The following ERG28 variants were observed in gnomAD, a reference collection of about 807,000 sequenced individuals.
ERG28 encodes the protein ergosterol biosynthesis 28 homolog, also known as ergosterol biosynthetic protein 28 homolog.
Under a neutral mutation model 15.7 loss-of-function variants are expected in ERG28, and 9 were observed. The ratio of observed to expected loss-of-function variants is 0.57; its 90% CI spans 0.35 to 1.00. The LOEUF (loss-of-function observed/expected upper bound fraction) is 1.00, where lower values mean the gene tolerates loss of function less well. Among genes scored for constraint, ERG28 ranks in the 50% least tolerant of loss-of-function variants. The pLI is 0.02. For synonymous variants in ERG28, 61 were observed against 68.4 expected (o/e 0.89, Z 0.53); for missense variants, 117 against 173.3 (o/e 0.68, Z 1.82).
At chr14:75,659,142 G>A (rs563571227) in intron 1 of ERG28, among the ~76,000 whole-genome samples, 1 of 152,278 alleles carries the variant, frequency 6.6e-6, no homozygotes, top group South Asian at 2.1e-4. Context: ...GGAACAGAGA[G>A]GTTAAACAAG....
At chr14:75,657,871 C>T (rs953928369) in intron 1 of ERG28, among the ~76,000 whole-genome samples, 5 of 152,284 alleles carry the variant, frequency 3.3e-5, no homozygotes, top group Non-Finnish European at 5.9e-5. Context: ...CTATTGATGA[C>T]GGATTCTTCC....
chr14:75,657,287 A>T, intron 2 of ERG28, 83 bp downstream of exon 2: 3 of 1,502,816 alleles, frequency 2.0e-6, no homozygotes, highest in Non-Finnish European at 2.7e-6. Flanking sequence ...GGTTACTCTG[A>T]TGTACAGCCT....
intron 3 of ERG28, among the ~76,000 whole-genome samples, chr14:75,652,742 T>A (rs1890543266): frequency 6.6e-6 from 1 of 152,124 alleles, no homozygotes; most frequent in South Asian, 2.1e-4. Context: ...CTGCTCTAAG[T>A]CTGTTCTCCC....
chr14:75,657,694 C>T (rs1418576320), intron 1 of ERG28, among the ~76,000 whole-genome samples, 161 bp from the exon 2 acceptor site: 1 of 152,198 alleles, frequency 6.6e-6, no homozygotes, highest in Non-Finnish European at 1.5e-5. Flanking sequence ...AGTACTTATC[C>T]TTGTCTAAGC....
chr14:75,656,698 T>A (rs1184745801), intron 2 of ERG28, among the ~76,000 whole-genome samples: 2 of 152,122 alleles, frequency 1.3e-5, no homozygotes, highest in African/African-American at 4.8e-5. Flanking sequence ...CACATCAGCG[T>A]GATGAAGTGG....
intron 4 of ERG28, 52 bp from the exon 5 acceptor site, chr14:75,651,686 C>G: frequency 6.3e-7 from 1 of 1,578,932 alleles, no homozygotes; most frequent in Non-Finnish European, 8.7e-7. Flanking sequence ...TACCTTTCTT[C>G]TCTCTCTCTC....
At position 75,651,329 on chromosome 14, in the gene ERG28, G is replaced by T. The variant is rs1328601060; in HGVS notation, c.*226C>A. 1 of 364,344 alleles carries T rather than the reference G, an allele frequency of 2.7e-6. No individual in the cohort carries two copies. The allele number at this position is 364,344 out of a possible 1,614,324, so 22.6% of individuals were successfully genotyped here. The stretch of plus-strand genomic sequence containing the variant: ...GAGAAGCTGGCAATTTCTTGACTTG[G>T]ATGGAGTTACGTAGTATTCACTTTA... On this transcript the variant is annotated 3_prime_UTR_variant, in exon 5 of 5. Coordinates refer to ENST00000256319, the MANE Select transcript of ERG28 (RefSeq NM_007176.4).
chr14:75,651,665 C>T, intron 4 of ERG28, 31 bp from the exon 5 acceptor site: 3 of 1,603,176 alleles, frequency 1.9e-6, no homozygotes, highest in Non-Finnish European at 2.6e-6. Context: ...TAGTGACTAA[C>T]ATACATACGG....
At chr14:75,655,755 C>G (rs1206795960) in intron 2 of ERG28, among the ~76,000 whole-genome samples, 1 of 152,110 alleles carries the variant, frequency 6.6e-6, no homozygotes, top group Non-Finnish European at 1.5e-5. Flanking sequence ...GAGGAGGGCC[C>G]CAGGCATAAG....
In ERG28 at chr14:75,654,797, T is replaced by C. The variant is rs1890575996; in HGVS notation, c.224+89A>G. 2.3e-6 allele frequency: 3 copies of C among 1,329,044 alleles called. No homozygotes were observed. The South Asian group carries it at 3.5e-5, about 16-fold the overall frequency. 82.3% of individuals were successfully genotyped at this position (1,329,044 alleles called of 1,614,324 possible). A position where few individuals can be genotyped will look rare whatever the true frequency, so the allele number is the denominator to read the frequency against. On this transcript the variant is annotated intron_variant, in intron 3 of 4. Transcript: ENST00000256319. ...ATTCTAAGCTAATGCATTAAAATGA[T>C]TAACAGTTCCCATTACTCAAGGTAA...
intron 1 of ERG28, among the ~76,000 whole-genome samples, chr14:75,660,184 A>C (rs1007177617): frequency 6.6e-6 from 1 of 152,220 alleles, no homozygotes; most frequent in African/African-American, 2.4e-5. Flanking sequence ...ATCCCAACAG[A>C]TAGCTGATGA....
At position 75,657,423 on chromosome 14, in the gene ERG28, A is replaced by T. The variant is rs746593758; in HGVS notation, c.80T>A (p.Phe27Tyr). Residue 27 changes from phenylalanine (F) to tyrosine (Y), a missense_variant, in exon 2 of 5, where the codon TTC becomes TAC. Phe to Tyr is a conservative substitution (Grantham distance 22, BLOSUM62 3). Coordinates refer to ENST00000256319, the MANE Select transcript of ERG28 (RefSeq NM_007176.4). ...TTCATAGAGAAAAGTGTGGTCTCGG[A>T]AGCTCTGCAGCGTGTTCCCCATGGC... ...IIAMGNTLQS[F>Y]RDHTFLYEKL... 6.2e-7 allele frequency: 1 copy of T among 1,613,994 alleles called. No homozygotes were observed. The highest frequency in any genetic ancestry group is 8.5e-7 in the Non-Finnish European group (1 of 1,179,954).
Position 75,651,885 on chromosome 14 carries a change from A to G in ERG28, c.229T>C (p.Tyr77His). 6.2e-7 allele frequency: 1 copy of G among 1,602,978 alleles called. No homozygotes were observed. Among genetic ancestry groups the G allele is most frequent in the South Asian group, 1.1e-5 (1 of 90,848 alleles). ...AGGAAGGTCCAGAGTGTGATGTGAT[A>G]GAGCCTATAAGGAAGCAGACAGAAA... The part of the protein sequence containing the change: ...CAIDIHNKTL[Y>H]HITLWTFLLA... The change falls in exon 4 of 5, where the codon TAT (tyrosine) becomes CAT (histidine). Residue 77 changes from tyrosine to histidine, a missense_variant. Transcript: ENST00000256319.
In ERG28 at chr14:75,651,429, AAAG is replaced by A; in HGVS notation, c.*123_*125del. 1.1e-6 allele frequency: 1 copy of A among 916,708 alleles called. No homozygotes were observed. The highest frequency in any genetic ancestry group is 2.4e-5 in the East Asian group (1 of 40,930). 56.8% of individuals were successfully genotyped at this position (916,708 alleles called of 1,614,324 possible). On this transcript the variant is annotated 3_prime_UTR_variant, in exon 5 of 5. Transcript: ENST00000256319. Reference sequence around the variant, plus strand: ...TATCTTTAAATTTTAAAAATTAAAAAAAGAGGCTAAAAGTGAATAAAAGGGCAG... The same window carrying A: ...TATCTTTAAATTTTAAAAATTAAAAAAGGCTAAAAGTGAATAAAAGGGCAG...
intron 1 of ERG28, 54 bp from the exon 2 acceptor site, chr14:75,657,587 A>G: frequency 1.3e-6 from 2 of 1,518,472 alleles, no homozygotes; most frequent in South Asian, 1.2e-5. Context: ...TATGTTAACC[A>G]TAAGCAGGAA....
chr14:75,651,850 C>G lies in ERG28; in HGVS notation c.264G>C (p.Leu88=), dbSNP rs766986300. 1 of 1,613,972 alleles carries G rather than the reference C, an allele frequency of 6.2e-7. No individual in the cohort carries two copies. The highest frequency in any genetic ancestry group is 8.5e-7 in the Non-Finnish European group (1 of 1,179,884). Residue 88 remains leucine, a synonymous_variant, in exon 4 of 5, where the codon CTG becomes CTC. Coordinates refer to ENST00000256319, the MANE Select transcript of ERG28 (RefSeq NM_007176.4). ...HITLWTFLLA[L]GHFLSELFVY... is the part of the protein sequence containing the mutation. Reference sequence around the variant, plus strand: ...CAAACAACTCAGAGAGGAAATGCCCCAGGGCAAGGAGGAAGGTCCAGAGTG... The same window carrying G: ...CAAACAACTCAGAGAGGAAATGCCCGAGGGCAAGGAGGAAGGTCCAGAGTG...
intron 1 of ERG28, 24 bp from the exon 2 acceptor site, chr14:75,657,557 T>C: frequency 6.2e-7 from 1 of 1,602,842 alleles, no homozygotes. Context: ...GCAGAGGACA[T>C]GAGACAATGA....
chr14:75,657,021 T>A (rs1236162914), intron 2 of ERG28, among the ~76,000 whole-genome samples: 2 of 109,424 alleles, frequency 1.8e-5, no homozygotes, highest in Non-Finnish European at 3.4e-5. Context: ...TTATAATGCT[T>A]TTTTTTTTTT....
rs149661079 is a variant in ERG28, at chr14:75,657,360, G to T, written c.133+10C>A. 783 of 1,613,844 alleles carry T rather than the reference G, an allele frequency of 4.9e-4. 3 individuals carry two copies. The African/African-American group carries it at 9.3e-3, about 19-fold the overall frequency. On this transcript the variant is annotated intron_variant, in intron 2 of 4. Transcript: ENST00000256319. ...CCTATAAAGGATGCAGAAATTCTTTGATTTCTTACCAAGGTTTGGCTTGCC... is the reference window on the plus strand; with the variant it reads ...CCTATAAAGGATGCAGAAATTCTTTTATTTCTTACCAAGGTTTGGCTTGCC...
Sources: allele counts gnomAD v4.1 joint callset (sites outside exome capture counted in the v4.1 genomes callset), GRCh38; gene constraint gnomAD v4.1.1; transcripts MANE v1.5; gene names NCBI Gene and HGNC (gene_info 2026-07-23, HGNC 2026-07-21).